The following ADAMTS6 variants were observed in gnomAD, a reference collection of about 807,000 sequenced individuals.
ADAMTS6 encodes A disintegrin and metalloproteinase with thrombospondin motifs 6.
A neutral mutation model predicts 144.3 loss-of-function variants in ADAMTS6; 23 were observed. The observed-to-expected ratio is 0.16, with a 90% confidence interval of 0.11 to 0.23. The LOEUF (loss-of-function observed/expected upper bound fraction) is 0.23. Among genes scored for constraint, ADAMTS6 ranks in the 10% least tolerant of loss-of-function variants. The pLI is 1.00. For synonymous variants in ADAMTS6, 444 were observed against 457.5 expected, an observed-to-expected ratio of 0.97 and a Z score of 0.38; for missense variants, 999 against 1,379.6, an observed-to-expected ratio of 0.72 and a Z score of 4.37.
chr5:65,398,808 GAA>G (rs1410617259), intron 7 of ADAMTS6, among the ~76,000 whole-genome samples: 7 of 88,304 alleles, frequency 7.9e-5, no homozygotes, highest in Non-Finnish European at 1.7e-4. Flanking sequence ...AAGAAAGAAA[GAA>G]AGAAAGAAAG....
In ADAMTS6 at chr5:65,238,429, C is replaced by T. The variant is rs149810525; in HGVS notation, c.1933+3675G>A. On this transcript the variant is annotated intron_variant, in intron 15 of 24. Transcript: ENST00000381055. ...ACCAACCTGGGCAACATGGTGAAAC[C>T]CTGTGTCTACAAAAAATACAACTAG... Among the ~76,000 whole-genome samples, 569 of 151,760 alleles carry T rather than the reference C, an allele frequency of 3.7e-3. 3 individuals are homozygous for T. The highest frequency in any genetic ancestry group is 6.9e-3 in the Middle Eastern group (2 of 290).
intron 19 of ADAMTS6, 88 bp from the exon 20 acceptor site, chr5:65,215,020 C>T: frequency 6.8e-7 from 1 of 1,472,658 alleles, no homozygotes; most frequent in Middle Eastern, 1.8e-4. Context: ...AAGAAAATGT[C>T]AAAACAAGTC....
intron 18 of ADAMTS6, among the ~76,000 whole-genome samples, chr5:65,223,515 CTGTT>C (rs1364685269): frequency 6.6e-6 from 1 of 152,174 alleles, no homozygotes; most frequent in Non-Finnish European, 1.5e-5. Context: ...CTTACACTCT[CTGTT>C]TGACTTTTTT....
intron 4 of ADAMTS6, among the ~76,000 whole-genome samples, chr5:65,453,149 A>C (rs1481420617): frequency 6.6e-6 from 1 of 152,046 alleles, no homozygotes; most frequent in Non-Finnish European, 1.5e-5. Flanking sequence ...AAATCTAAGA[A>C]ATGAATTAAT....
chr5:65,480,709 TAC>T (rs1761141355), intron 1 of ADAMTS6, among the ~76,000 whole-genome samples: 1 of 152,132 alleles, frequency 6.6e-6, no homozygotes, highest in Non-Finnish European at 1.5e-5. Flanking sequence ...ACACCATATA[TAC>T]AGACCTACCC....
chr5:65,242,357 T>C lies in ADAMTS6; in HGVS notation c.1831-151A>G. On this transcript the variant is annotated intron_variant, in intron 14 of 24. Transcript: ENST00000381055. ...TTGCTTTACTGTTTTACAATCCGTA[T>C]TCAGATTGAAGTGTGTGAATTATAA... 4 of 520,952 alleles carry C rather than the reference T, an allele frequency of 7.7e-6. No individual in the cohort carries two copies. In the Admixed American group the frequency reaches 1.4e-4, roughly 18 times the overall value. 32.3% of individuals were successfully genotyped at this position (520,952 alleles called of 1,614,324 possible). A position where few individuals can be genotyped will look rare whatever the true frequency, so the allele number is the denominator to read the frequency against.
intron 7 of ADAMTS6, among the ~76,000 whole-genome samples, chr5:65,371,402 T>C (rs186391617): frequency 9.9e-5 from 15 of 151,914 alleles, no homozygotes; most frequent in Admixed American, 7.2e-4. Context: ...ATAACTAGAA[T>C]AACCAATACA....
chr5:65,375,971 T>A (rs1751493261), intron 7 of ADAMTS6, among the ~76,000 whole-genome samples: 1 of 152,056 alleles, frequency 6.6e-6, no homozygotes, highest in South Asian at 2.1e-4. Context: ...GGGACATGGA[T>A]GAAATTGGAA....
At chr5:65,197,432 C>G (rs1007491010) in intron 20 of ADAMTS6, among the ~76,000 whole-genome samples, 1 of 152,190 alleles carries the variant, frequency 6.6e-6, no homozygotes, top group Non-Finnish European at 1.5e-5. Flanking sequence ...AATTCTTCTT[C>G]GTGCTTCCCT....
intron 7 of ADAMTS6, among the ~76,000 whole-genome samples, chr5:65,339,455 C>CAAA (rs538468970): frequency 0.023 from 2,539 of 108,568 alleles, 62 homozygotes; most frequent in African/African-American, 0.074. Flanking sequence ...ATAAAAAAAG[C>CAAA]AAAAAAAAAA....
chr5:65,398,844 GAAAGAAAAAGAAAGAGAA>G (rs1561502027), intron 7 of ADAMTS6, among the ~76,000 whole-genome samples: 3 of 133,094 alleles, frequency 2.3e-5, no homozygotes, highest in East Asian at 2.4e-4. Context: ...AAGAAAGAAA[GAAAGAAAAAGAAAGAGAA>G]AGAAAGAAAG....
chr5:65,405,835 G>A (rs969789073), intron 7 of ADAMTS6, among the ~76,000 whole-genome samples: 3 of 152,108 alleles, frequency 2.0e-5, no homozygotes, highest in Admixed American at 6.5e-5. Context: ...GCAGTGGTTT[G>A]TAGTACTCCT....
At chr5:65,319,290 A>C (rs186951131) in intron 9 of ADAMTS6, among the ~76,000 whole-genome samples, 1 of 152,244 alleles carries the variant, frequency 6.6e-6, no homozygotes, top group African/African-American at 2.4e-5. Context: ...TCAATGATTC[A>C]AACTTCTCTC....
chr5:65,263,387 A>T (rs186187381), intron 12 of ADAMTS6, among the ~76,000 whole-genome samples: 1 of 150,906 alleles, frequency 6.6e-6, no homozygotes, highest in Non-Finnish European at 1.5e-5. Flanking sequence ...CCAGTAAGGA[A>T]TTTTTATGAT....
intron 13 of ADAMTS6, among the ~76,000 whole-genome samples, chr5:65,262,555 A>G (rs1761291437): frequency 6.6e-6 from 1 of 152,188 alleles, no homozygotes; most frequent in Non-Finnish European, 1.5e-5. Flanking sequence ...TTATTATTAG[A>G]TTAAAAGTCT....
At chr5:65,311,534 G>C (rs149019766) in intron 9 of ADAMTS6, among the ~76,000 whole-genome samples, 1 of 151,918 alleles carries the variant, frequency 6.6e-6, no homozygotes, top group African/African-American at 2.4e-5. Context: ...TCCTTACATA[G>C]GGTAAAAGCA....
chr5:65,221,710 G>T (rs1757334561), intron 18 of ADAMTS6, among the ~76,000 whole-genome samples: 1 of 152,090 alleles, frequency 6.6e-6, no homozygotes, highest in Admixed American at 6.5e-5. Context: ...AAGTGCCTTT[G>T]TTCGAGGATG....
intron 22 of ADAMTS6, among the ~76,000 whole-genome samples, chr5:65,177,927 C>T (rs1254227417): frequency 1.3e-5 from 2 of 152,198 alleles, no homozygotes; most frequent in Non-Finnish European, 2.9e-5. Flanking sequence ...GCCAAGCTCT[C>T]TCTGCTATAT....
chr5:65,212,725 C>T (rs994761800), intron 20 of ADAMTS6, among the ~76,000 whole-genome samples: 1 of 151,950 alleles, frequency 6.6e-6, no homozygotes, highest in Admixed American at 6.6e-5. Flanking sequence ...CCAAATATAG[C>T]AATTTCAGTA....
Sources: allele counts gnomAD v4.1 joint callset (sites outside exome capture counted in the v4.1 genomes callset), GRCh38; gene constraint gnomAD v4.1.1; transcripts MANE v1.5; gene names NCBI Gene and HGNC (gene_info 2026-07-23, HGNC 2026-07-21).